BRWD1: variants seen among roughly 807,000 people sequenced by gnomAD.
BRWD1 encodes the protein bromodomain and WD repeat-containing protein 1.
BRWD1 carries 82 observed loss-of-function variants against 251.2 expected under a neutral mutation model. The ratio of observed to expected loss-of-function variants is 0.33; its 90% CI spans 0.27 to 0.39. The LOEUF (loss-of-function observed/expected upper bound fraction) is 0.39. Among genes scored for constraint, BRWD1 ranks in the 10% least tolerant of loss-of-function variants. The pLI is 1.00. For missense variants in BRWD1, 2,233 were observed against 2,711.6 expected (o/e 0.82, Z 3.92); for synonymous variants, 918 against 902.8 (o/e 1.02, Z -0.30).
At chr21:39,250,977 AATCAT>A in intron 19 of BRWD1, 88 bp from the exon 20 acceptor site, 1 of 765,444 alleles carries the variant, frequency 1.3e-6, no homozygotes, top group Middle Eastern at 2.7e-4. Context: ...TGATTCTATA[AATCAT>A]AAGTTTATGT....
chr21:39,314,546 G>A, upstream of BRWD1: 1 of 348,874 alleles, frequency 2.9e-6, no homozygotes, highest in Admixed American at 3.8e-5. Flanking sequence ...AGGATGTGAG[G>A]TTGGAGAGGT....
At position 39,195,463 on chromosome 21, in the gene BRWD1, G is replaced by C; in HGVS notation, c.*796C>G. 1 of 985,620 alleles carries C rather than the reference G, an allele frequency of 1.0e-6. No homozygotes were observed. Among genetic ancestry groups the C allele is most frequent in the African/African-American group, 1.7e-5 (1 of 57,332 alleles). The allele number at this position is 985,620 out of a possible 1,614,324, so 61.1% of individuals were successfully genotyped here. The stretch of plus-strand genomic sequence containing the variant: ...TTAAATCCCTTACAATGGAAACCAG[G>C]AGATCTTGGACAGAAGACAGATTAT... On this transcript the variant is annotated 3_prime_UTR_variant, in exon 41 of 41. Coordinates refer to ENST00000342449, the MANE Select transcript of BRWD1 (RefSeq NM_033656.4).
chr21:39,265,706 A>T (rs1413208177), intron 15 of BRWD1, among the ~76,000 whole-genome samples: 1 of 152,222 alleles, frequency 6.6e-6, no homozygotes, highest in African/African-American at 2.4e-5. Context: ...CAAATTTGGT[A>T]TTCATGAACT....
intron 4 of BRWD1, among the ~76,000 whole-genome samples, chr21:39,305,973 G>A (rs1186802733): frequency 6.6e-6 from 1 of 151,870 alleles, no homozygotes; most frequent in Non-Finnish European, 1.5e-5. Context: ...GTTTGACGCT[G>A]CAGTGAGCCA....
intron 31 of BRWD1, among the ~76,000 whole-genome samples, chr21:39,215,860 C>T (rs534331151): frequency 2.2e-4 from 33 of 152,100 alleles, no homozygotes; most frequent in Admixed American, 5.9e-4. Flanking sequence ...ATTAGCCAGG[C>T]GTACTGGTGC....
intron 8 of BRWD1, among the ~76,000 whole-genome samples, chr21:39,282,665 A>G (rs1314360389): frequency 6.6e-6 from 1 of 152,174 alleles, no homozygotes; most frequent in Non-Finnish European, 1.5e-5. Flanking sequence ...GAGTACTTTG[A>G]GAATTCTAGA....
chr21:39,274,134 C>T (rs2035204305), intron 13 of BRWD1, among the ~76,000 whole-genome samples: 2 of 152,056 alleles, frequency 1.3e-5, no homozygotes, highest in African/African-American at 4.8e-5. Flanking sequence ...TGCTTTGAAC[C>T]ATAGAAAAAG....
chr21:39,208,525 T>C lies in BRWD1; in HGVS notation c.4197+1470A>G, dbSNP rs62222992. ...AAAAAATGTTGTAAGATCAAACAAGTATTTTACTTTAAATATGACTTTTTA... is the reference window on the plus strand; with the variant it reads ...AAAAAATGTTGTAAGATCAAACAAGCATTTTACTTTAAATATGACTTTTTA... On this transcript the variant is annotated intron_variant, in intron 36 of 40. Transcript: ENST00000342449. 5.5e-3 allele frequency among the ~76,000 whole-genome samples: 843 copies of C among 152,298 alleles called. 5 individuals are homozygous for C. The highest frequency in any genetic ancestry group is 9.2e-3 in the Non-Finnish European group (623 of 68,012).
At chr21:39,281,780 A>G (rs2035464889) in intron 8 of BRWD1, among the ~76,000 whole-genome samples, 1 of 151,730 alleles carries the variant, frequency 6.6e-6, no homozygotes, top group Non-Finnish European at 1.5e-5. Flanking sequence ...AGGCAGGAGA[A>G]TCGCTTGAAT....
Position 39,215,295 on chromosome 21 carries a change from C to G in BRWD1, c.3727G>C (p.Glu1243Gln), listed in dbSNP as rs2032839201. ...EHNARTFNEP[E>Q]SVIARSAKKI... Reference sequence around the variant, plus strand: ...TTAGCTGATCTTGCAATTACACTCTCAGGTTCGTTAAATGTTCTGGCATTA... The same window carrying G: ...TTAGCTGATCTTGCAATTACACTCTGAGGTTCGTTAAATGTTCTGGCATTA... The change falls in exon 32 of 41, where the codon GAG (glutamate) becomes CAG (glutamine). Residue 1243 changes from glutamate to glutamine, a missense_variant. Glu to Gln is a conservative substitution (Grantham distance 29). Around this residue, in one of 12 missense-constraint regions of BRWD1, gnomAD observed 167 missense variants for 183.2 expected, o/e 0.91. Coordinates refer to ENST00000342449, the MANE Select transcript of BRWD1 (RefSeq NM_033656.4). The G allele has an allele frequency of 1.2e-6, 2 of 1,612,908 alleles. No individual in the cohort carries two copies.
chr21:39,280,748 T>C (rs2035429955), intron 8 of BRWD1, among the ~76,000 whole-genome samples: 1 of 152,198 alleles, frequency 6.6e-6, no homozygotes, highest in African/African-American at 2.4e-5. Flanking sequence ...ATAAATGGTA[T>C]TACAATTGTG....
In BRWD1 at chr21:39,196,447, T is replaced by C; in HGVS notation, c.6622A>G (p.Ser2208Gly). The change falls in exon 41 of 41, where the codon AGC becomes GGC. Residue 2208 changes from serine to glycine, a missense_variant. Ser to Gly is a moderately conservative substitution (Grantham distance 56). Coordinates refer to ENST00000342449, the MANE Select transcript of BRWD1 (RefSeq NM_033656.4). ...ISKTVRRQRQ[S>G]KRPRLSVDDN... ...TCCACACTTAACCTAGGGCGTTTGCTTTGTCTTTGACGTCTCACAGTTTTA... is the reference window on the plus strand; with the variant it reads ...TCCACACTTAACCTAGGGCGTTTGCCTTGTCTTTGACGTCTCACAGTTTTA... 2 of 1,613,568 alleles carry C rather than the reference T, an allele frequency of 1.2e-6. No individual in the cohort carries two copies. The highest frequency in any genetic ancestry group is 4.5e-5 in the East Asian group (2 of 44,864).
rs1301557379 is a variant in BRWD1 at position 39,240,177 on chromosome 21, A to G, written c.2482-1604T>C. On this transcript the variant is annotated intron_variant, in intron 21 of 40. Transcript: ENST00000342449. ...CTACTAGCTATATGATTCCAATTACATGGCATTCTACAAAGATAAAACTAT... is the reference window on the plus strand; with the variant it reads ...CTACTAGCTATATGATTCCAATTACGTGGCATTCTACAAAGATAAAACTAT... Among the ~76,000 whole-genome samples, 3 of 152,222 alleles carry G rather than the reference A, an allele frequency of 2.0e-5. No homozygotes were observed. The East Asian group carries it at 5.8e-4, about 29-fold the overall frequency.
chr21:39,190,349 T>G lies in BRWD1; in HGVS notation c.*5910A>C, dbSNP rs958299875. On this transcript the variant is annotated 3_prime_UTR_variant, in exon 41 of 41. Transcript: ENST00000342449. ...GGTTACTACAGAAGCATTATAAAAT[T>G]TTCATTGGCATTTTTAAAATTGGAG... 1 of 985,152 alleles carries G rather than the reference T, an allele frequency of 1.0e-6. No individual in the cohort carries two copies. The highest frequency in any genetic ancestry group is 1.7e-5 in the African/African-American group (1 of 57,240). The allele number at this position is 985,152 out of a possible 1,614,324, so 61.0% of individuals were successfully genotyped here.
Position 39,188,566 on chromosome 21 carries a change from C to T in BRWD1, c.*7693G>A, listed in dbSNP as rs1568843957. On this transcript the variant is annotated 3_prime_UTR_variant, in exon 41 of 41. Transcript: ENST00000342449. ...TGTGAAGATGTTTGCCCTTCTGTCA[C>T]AAAGCTGACTGAAGGGCAGATGAGT... 6 of 985,268 alleles carry T rather than the reference C, an allele frequency of 6.1e-6. No homozygotes were observed. Among genetic ancestry groups the T allele is most frequent in the Non-Finnish European group, 7.2e-6 (6 of 829,904 alleles). 61.0% of individuals were successfully genotyped at this position (985,268 alleles called of 1,614,324 possible). A position where few individuals can be genotyped will look rare whatever the true frequency, so the allele number is the denominator to read the frequency against.
chr21:39,314,819 T>C (rs144754977), upstream of BRWD1: 516 of 162,042 alleles, frequency 3.2e-3, 3 homozygotes, highest in African/African-American at 0.012. Flanking sequence ...TCCACCAGCT[T>C]GACCTTGAGC....
upstream of BRWD1, among the ~76,000 whole-genome samples, chr21:39,318,731 C>T (rs1035984817): frequency 2.0e-5 from 3 of 152,110 alleles, no homozygotes; most frequent in Admixed American, 2.0e-4. Flanking sequence ...TGCAGCCTCG[C>T]AGTCCTACCG....
chr21:39,200,157 C>CA, intron 39 of BRWD1, 62 bp downstream of exon 39: 1 of 1,426,238 alleles, frequency 7.0e-7, no homozygotes, highest in Non-Finnish European at 9.6e-7. Flanking sequence ...AGAATCTATT[C>CA]AATTTATAAC....
chr21:39,236,257 C>T (rs2033808307), intron 23 of BRWD1, among the ~76,000 whole-genome samples: 1 of 152,142 alleles, frequency 6.6e-6, no homozygotes, highest in South Asian at 2.1e-4. Flanking sequence ...CCCACTATAT[C>T]TGCCCCCACC....
Sources: gnomAD v4.1 joint callset for allele counts (sites outside exome capture counted in the v4.1 genomes callset) on GRCh38, gnomAD v4.1.1 for gene constraint, gnomAD v4.1.1 regional missense constraint, MANE v1.5 for transcripts, NCBI Gene and HGNC (gene_info 2026-07-23, HGNC 2026-07-21) for gene names.